Variants in LUZP2 observed in about 807,000 individuals in gnomAD.
LUZP2 encodes the protein leucine zipper protein 2.
A neutral mutation model predicts 51.6 loss-of-function variants in LUZP2; 52 were observed. That is an observed-to-expected ratio of 1.01 (90% CI 0.81 to 1.27). LUZP2 has a LOEUF of 1.27. LUZP2 is among the 50% of genes most tolerant of loss of function. LUZP2 has a pLI of 0.00. For missense variants in LUZP2, 436 were observed against 395.4 expected (o/e 1.10, Z -0.87); for synonymous variants, 154 against 137.3 (o/e 1.12, Z -0.85).
At chr11:25,030,932 TATATA>T (rs1281232303) in intron 9 of LUZP2, among the ~76,000 whole-genome samples, 1,377 of 3,460 alleles carry the variant, frequency 0.4, 236 homozygotes, top group African/African-American at 0.56. Flanking sequence ...ATATATATAA[TATATA>T]TTATATATAT....
intron 1 of LUZP2, among the ~76,000 whole-genome samples, chr11:24,728,240 A>G (rs896860279): frequency 6.6e-6 from 1 of 152,020 alleles, no homozygotes; most frequent in African/African-American, 2.4e-5. Flanking sequence ...TGCCTAAGCC[A>G]GAAACCTGGC....
intron 1 of LUZP2, among the ~76,000 whole-genome samples, chr11:24,706,502 T>A (rs908861256): frequency 1.3e-5 from 2 of 152,170 alleles, no homozygotes; most frequent in Non-Finnish European, 2.9e-5. Context: ...AAATTCTGCA[T>A]TCTGCCCTTG....
In LUZP2 at chr11:24,608,095, C is replaced by T. The variant is rs552494405; in HGVS notation, c.62+110790C>T. ...CGATCTCCTGACCTCATGATCCGCCCACCTCGGCCTCCTAAAGTGCTGGGA... is the reference window on the plus strand; with the variant it reads ...CGATCTCCTGACCTCATGATCCGCCTACCTCGGCCTCCTAAAGTGCTGGGA... On this transcript the variant is annotated intron_variant, in intron 1 of 11. Coordinates refer to ENST00000336930, the MANE Select transcript of LUZP2 (RefSeq NM_001009909.4). Among the ~76,000 whole-genome samples, 120 of 152,246 alleles carry T rather than the reference C, an allele frequency of 7.9e-4. 1 individual carries two copies. The South Asian group carries it at 0.01, about 13-fold the overall frequency.
intron 9 of LUZP2, among the ~76,000 whole-genome samples, chr11:25,018,917 C>T (rs1857246290): frequency 6.6e-6 from 1 of 152,096 alleles, no homozygotes; most frequent in South Asian, 2.1e-4. Flanking sequence ...CTTATCTTCC[C>T]TTTAAATGAC....
chr11:24,778,879 A>G (rs1201873556), intron 5 of LUZP2, among the ~76,000 whole-genome samples: 1 of 152,202 alleles, frequency 6.6e-6, no homozygotes, highest in Non-Finnish European at 1.5e-5. Context: ...TAGTCTGTAG[A>G]GACAATAGCA....
intron 5 of LUZP2, chr11:24,785,848 A>T (rs1443482389): frequency 1.0e-6 from 1 of 985,082 alleles, no homozygotes; most frequent in African/African-American, 1.7e-5. Context: ...GGCTATGCTG[A>T]CTCTGGGAAA....
At chr11:24,992,953 C>A (rs1266405911) in intron 9 of LUZP2, among the ~76,000 whole-genome samples, 1 of 151,994 alleles carries the variant, frequency 6.6e-6, no homozygotes, top group Non-Finnish European at 1.5e-5. Flanking sequence ...TTGAAAATTA[C>A]CTGAAGTGAA....
chr11:25,015,233 G>T (rs1857115466), intron 9 of LUZP2, among the ~76,000 whole-genome samples: 1 of 152,082 alleles, frequency 6.6e-6, no homozygotes, highest in African/African-American at 2.4e-5. Flanking sequence ...TAAACTTTTA[G>T]TTTGGAATAC....
At position 24,814,032 on chromosome 11, in the gene LUZP2, C is replaced by T. The variant is rs569323619; in HGVS notation, c.396+50724C>T. Among the ~76,000 whole-genome samples, 3 of 152,336 alleles carry T rather than the reference C, an allele frequency of 2.0e-5. No homozygotes were observed. The South Asian group carries it at 6.2e-4, about 32-fold the overall frequency. Reference sequence around the variant, plus strand: ...AGCACTTGGCACAGTGCCTTGTACACAGTGAACAATTGGTAGTGTTAGCTA... The same window carrying T: ...AGCACTTGGCACAGTGCCTTGTACATAGTGAACAATTGGTAGTGTTAGCTA... On this transcript the variant is annotated intron_variant, in intron 5 of 11. Transcript: ENST00000336930.
At chr11:24,609,800 C>T (rs569345702) in intron 1 of LUZP2, among the ~76,000 whole-genome samples, 185 of 147,682 alleles carry the variant, frequency 1.3e-3, no homozygotes, top group Admixed American at 4.8e-3. Flanking sequence ...AATTGCAAAC[C>T]AGCTAGAAAT....
intron 1 of LUZP2, among the ~76,000 whole-genome samples, chr11:24,515,221 C>A (rs868199147): frequency 4.6e-5 from 7 of 152,076 alleles, no homozygotes; most frequent in Non-Finnish European, 1.0e-4. Context: ...AAACCGTATA[C>A]TGTGCCTAGC....
chr11:24,768,863 A>G (rs1860293332), intron 5 of LUZP2, among the ~76,000 whole-genome samples: 1 of 152,234 alleles, frequency 6.6e-6, no homozygotes. Flanking sequence ...CTAAAAATAG[A>G]ACTACCATAT....
chr11:24,622,285 C>G (rs370389775), intron 1 of LUZP2, among the ~76,000 whole-genome samples: 15 of 151,596 alleles, frequency 9.9e-5, no homozygotes, highest in African/African-American at 3.4e-4. Context: ...CCTCTCCCCC[C>G]TCCCCACAAC....
At chr11:24,877,034 T>G (rs914091865) in intron 5 of LUZP2, among the ~76,000 whole-genome samples, 12 of 152,252 alleles carry the variant, frequency 7.9e-5, no homozygotes, top group Admixed American at 7.2e-4. Context: ...CTATTTGGGG[T>G]TTCTATCTCA....
intron 1 of LUZP2, among the ~76,000 whole-genome samples, chr11:24,618,336 C>T (rs1216521327): frequency 6.6e-6 from 1 of 152,220 alleles, no homozygotes. Context: ...GGGTGAAAGT[C>T]CCAACTCCCT....
At chr11:25,054,670 A>G (rs1858623630) in intron 10 of LUZP2, among the ~76,000 whole-genome samples, 1 of 151,936 alleles carries the variant, frequency 6.6e-6, no homozygotes, top group African/African-American at 2.4e-5. Flanking sequence ...CAATTTTTTA[A>G]TTGATTTATC....
At chr11:24,562,914 G>A (rs1319150558) in intron 1 of LUZP2, among the ~76,000 whole-genome samples, 2 of 151,454 alleles carry the variant, frequency 1.3e-5, no homozygotes, top group African/African-American at 2.4e-5. Flanking sequence ...TCATGAATGA[G>A]ATAAGCAATG....
chr11:24,561,813 A>C (rs1054741607), intron 1 of LUZP2, among the ~76,000 whole-genome samples: 1 of 147,958 alleles, frequency 6.8e-6, no homozygotes, highest in South Asian at 2.1e-4. Context: ...CCAGAACTTA[A>C]AGTATAATAA....
chr11:24,979,170 A>G (rs1323394861), intron 8 of LUZP2, among the ~76,000 whole-genome samples: 14 of 151,832 alleles, frequency 9.2e-5, no homozygotes, highest in Admixed American at 7.9e-4. Context: ...CATTCATTAA[A>G]TAAGCTTAGA....
Sources: allele counts gnomAD v4.1 joint callset (sites outside exome capture counted in the v4.1 genomes callset), GRCh38; gene constraint gnomAD v4.1.1; transcripts MANE v1.5; gene names NCBI Gene and HGNC (gene_info 2026-07-23, HGNC 2026-07-21).